PALMD: variants seen among roughly 807,000 people sequenced by gnomAD.
The protein encoded by PALMD is palmdelphin.
Under a neutral mutation model 56.2 loss-of-function variants are expected in PALMD, and 42 were observed. The observed-to-expected ratio is 0.75, with a 90% CI of 0.58 to 0.97. The LOEUF (loss-of-function observed/expected upper bound fraction) is 0.97. Among genes scored for constraint, PALMD ranks in the 50% least tolerant of loss-of-function variants. PALMD has a pLI of 0.00. For synonymous variants in PALMD, 242 were observed against 222.9 expected, an observed-to-expected ratio of 1.09 and a Z score of -0.76; for missense variants, 660 against 643.8, an observed-to-expected ratio of 1.03 and a Z score of -0.27.
chr1:99,665,137 C>T (rs898080035), intron 2 of PALMD, among the ~76,000 whole-genome samples: 19 of 151,968 alleles, frequency 1.3e-4, no homozygotes, highest in Admixed American at 1.3e-4. Context: ...TCCATGAGTC[C>T]GTTCAATTCA....
At chr1:99,665,507 A>C (rs892892769) in intron 2 of PALMD, among the ~76,000 whole-genome samples, 2 of 152,202 alleles carry the variant, frequency 1.3e-5, no homozygotes, top group East Asian at 3.8e-4. Flanking sequence ...AAATTTATGA[A>C]GTATGAACAA....
At position 99,649,051 on chromosome 1, in the gene PALMD, A is replaced by G. The variant is rs995386267; in HGVS notation, c.45+2689A>G. On this transcript the variant is annotated intron_variant, in intron 1 of 7. Coordinates refer to ENST00000263174, the MANE Select transcript of PALMD (RefSeq NM_017734.5). ...GATGTCTTCTCAAAGATTTAAAGAG[A>G]ATAAGAGCAAAATTATGAAAGTATG... 3.9e-5 allele frequency among the ~76,000 whole-genome samples: 6 copies of G among 152,204 alleles called. No homozygotes were observed. In the East Asian group the frequency reaches 1.2e-3, roughly 29 times the overall value.
chr1:99,657,989 T>A (rs561042923), intron 1 of PALMD, among the ~76,000 whole-genome samples: 16 of 152,308 alleles, frequency 1.1e-4, no homozygotes, highest in Admixed American at 1.0e-3. Context: ...AGCGATAACA[T>A]GTATTACTAC....
intron 3 of PALMD, among the ~76,000 whole-genome samples, chr1:99,674,590 C>T (rs1378052787): frequency 6.6e-6 from 1 of 151,440 alleles, no homozygotes; most frequent in Non-Finnish European, 1.5e-5. Flanking sequence ...AGAGAAGATT[C>T]CATATAAACT....
chr1:99,646,249 C>G lies in PALMD; in HGVS notation c.-69C>G, dbSNP rs937009980. 3.9e-6 allele frequency: 5 copies of G among 1,267,962 alleles called. No individual in the cohort carries two copies. The highest frequency in any genetic ancestry group is 5.8e-6 in the Non-Finnish European group (5 of 864,772). The allele number at this position is 1,267,962 out of a possible 1,614,324, so 78.5% of individuals were successfully genotyped here. ...TCTTCTGTCACCCCCGCTCCTCTCC[C>G]CCAGGAGGCTCCTTGATTTATGGTA... On this transcript the variant is annotated 5_prime_UTR_variant, in exon 1 of 8. Transcript: ENST00000263174.
intron 1 of PALMD, among the ~76,000 whole-genome samples, chr1:99,661,949 G>C (rs557487953): frequency 6.6e-6 from 1 of 152,116 alleles, no homozygotes; most frequent in African/African-American, 2.4e-5. Context: ...CTTGGACCAG[G>C]ATCAGTCTCT....
At chr1:99,651,069 T>G (rs1388426395) in intron 1 of PALMD, among the ~76,000 whole-genome samples, 1 of 152,164 alleles carries the variant, frequency 6.6e-6, no homozygotes. Flanking sequence ...CCAAAGAAAT[T>G]CACATGAAGA....
chr1:99,648,536 T>C (rs1652492718), intron 1 of PALMD, among the ~76,000 whole-genome samples: 3 of 152,172 alleles, frequency 2.0e-5, no homozygotes, highest in Admixed American at 6.5e-5. Context: ...GAGTATCTTC[T>C]CATTTTAGCT....
intron 7 of PALMD, among the ~76,000 whole-genome samples, chr1:99,692,840 C>A (rs965878119): frequency 4.6e-5 from 7 of 152,226 alleles, no homozygotes; most frequent in African/African-American, 1.7e-4. Flanking sequence ...CCTCTGCCAG[C>A]AATCGAGACC....
intron 3 of PALMD, among the ~76,000 whole-genome samples, chr1:99,672,595 G>A (rs1479017208): frequency 6.6e-6 from 1 of 152,098 alleles, no homozygotes; most frequent in Non-Finnish European, 1.5e-5. Flanking sequence ...CACATCCTGG[G>A]TTCTTCTTTC....
chr1:99,649,654 C>A (rs1223798618), intron 1 of PALMD, among the ~76,000 whole-genome samples: 1 of 152,194 alleles, frequency 6.6e-6, no homozygotes, highest in Non-Finnish European at 1.5e-5. Context: ...ATACTCTTAA[C>A]ATCTCCTCCA....
chr1:99,652,290 CT>C (rs1395264042), intron 1 of PALMD, among the ~76,000 whole-genome samples: 4 of 152,164 alleles, frequency 2.6e-5, no homozygotes, highest in Admixed American at 2.0e-4. Flanking sequence ...CATCACACCC[CT>C]GACCCCTGTT....
At chr1:99,674,790 G>A (rs1479948842) in intron 3 of PALMD, among the ~76,000 whole-genome samples, 3 of 152,168 alleles carry the variant, frequency 2.0e-5, no homozygotes, top group Non-Finnish European at 4.4e-5. Flanking sequence ...AGGAGCAACT[G>A]AACAATCCAG....
intron 1 of PALMD, among the ~76,000 whole-genome samples, chr1:99,651,110 T>TA (rs1465911217): frequency 6.6e-6 from 1 of 152,130 alleles, no homozygotes; most frequent in Non-Finnish European, 1.5e-5. Flanking sequence ...GTCTTCTAAA[T>TA]AAAAAAGTCC....
intron 2 of PALMD, 90 bp from the exon 3 acceptor site, chr1:99,667,552 C>T (rs995331066): frequency 1.3e-5 from 13 of 1,011,486 alleles, no homozygotes; most frequent in Non-Finnish European, 1.8e-5. Flanking sequence ...AACGTGTCAC[C>T]TATTGAAATT....
At chr1:99,667,795 C>T (rs1370925919) in intron 3 of PALMD, 29 bp downstream of exon 3, 2 of 1,600,386 alleles carry the variant, frequency 1.2e-6, no homozygotes, top group East Asian at 2.2e-5. Flanking sequence ...TACTCCACAA[C>T]TACCTTTATT....
intron 2 of PALMD, among the ~76,000 whole-genome samples, chr1:99,664,379 G>C (rs961127954): frequency 2.6e-4 from 39 of 152,062 alleles, no homozygotes; most frequent in African/African-American, 8.9e-4. Context: ...TGTATATAGG[G>C]CCTTTAGTCA....
chr1:99,693,097 T>C (rs993779969), intron 7 of PALMD, among the ~76,000 whole-genome samples: 10 of 152,232 alleles, frequency 6.6e-5, no homozygotes, highest in Admixed American at 3.9e-4. Context: ...TCATTTCCAT[T>C]GTCAAAAGGT....
rs41285728 is a variant in PALMD at position 99,689,343 on chromosome 1, T to C, written c.1083T>C (p.Asp361=). The C allele has an allele frequency of 0.012, 19,872 of 1,613,636 alleles. 230 individuals carry two copies. Among genetic ancestry groups the C allele is most frequent in the Middle Eastern group, 0.033 (202 of 6,058 alleles). ...AATCGAATGTCATGCAGGACAAAGA[T>C]GCACCCTCTCCAAAGCCAAGGCTGA... is the stretch of plus-strand genomic sequence containing the variant. The part of the protein sequence containing the change: ...WEESNVMQDK[D]APSPKPRLSP... The change falls in exon 7 of 8, where the codon GAT becomes GAC. Residue 361 remains aspartate, a synonymous_variant. Transcript: ENST00000263174.
Sources: gnomAD v4.1 joint callset for allele counts (sites outside exome capture counted in the v4.1 genomes callset) on GRCh38, gnomAD v4.1.1 for gene constraint, MANE v1.5 for transcripts, NCBI Gene and HGNC (gene_info 2026-07-23, HGNC 2026-07-21) for gene names.